The following DEUP1 variants were observed in gnomAD, a reference collection of about 807,000 sequenced individuals.
The protein encoded by DEUP1 is coiled-coil domain containing 67.
In DEUP1, 82 loss-of-function variants were observed where a neutral mutation model predicts 87.4. The ratio of observed to expected loss-of-function variants is 0.94; its 90% CI spans 0.78 to 1.13. The LOEUF (loss-of-function observed/expected upper bound fraction) is 1.13. DEUP1 is among the 50% of genes most tolerant of loss of function. DEUP1 has a pLI of 0.00. For missense variants in DEUP1, 663 were observed against 681.5 expected (o/e 0.97, Z 0.30); for synonymous variants, 214 against 222.7 (o/e 0.96, Z 0.35).
chr11:93,369,697 C>T (rs1591157765), intron 5 of DEUP1, among the ~76,000 whole-genome samples: 1 of 6,356 alleles, frequency 1.6e-4, no homozygotes, highest in Non-Finnish European at 2.9e-4. Context: ...TTTGGGAGGC[C>T]GAGGCGGGCG....
At chr11:93,376,245 A>G (rs1430992575) in intron 7 of DEUP1, among the ~76,000 whole-genome samples, 2 of 152,112 alleles carry the variant, frequency 1.3e-5, no homozygotes, top group African/African-American at 2.4e-5. Flanking sequence ...CACCCGGCCT[A>G]TATTACCATT....
At chr11:93,366,602 G>A (rs1046739805) in intron 5 of DEUP1, among the ~76,000 whole-genome samples, 4 of 152,126 alleles carry the variant, frequency 2.6e-5, no homozygotes, top group African/African-American at 9.7e-5. Context: ...GCGCTGACTC[G>A]CTAGTTGTGA....
chr11:93,363,883 T>C (rs372836586), intron 4 of DEUP1, among the ~76,000 whole-genome samples: 2 of 151,948 alleles, frequency 1.3e-5, no homozygotes, highest in Non-Finnish European at 2.9e-5. Flanking sequence ...TTGCTGCATA[T>C]GATTAAAACA....
chr11:93,418,483 T>C (rs1947730441), intron 13 of DEUP1, among the ~76,000 whole-genome samples: 1 of 152,186 alleles, frequency 6.6e-6, no homozygotes, highest in Admixed American at 6.5e-5. Context: ...CACAATGCGA[T>C]ATCATCTCAC....
chr11:93,371,217 T>G lies in DEUP1; in HGVS notation c.726T>G (p.Asn242Lys). 6.2e-7 allele frequency: 1 copy of G among 1,613,288 alleles called. No homozygotes were observed. Among genetic ancestry groups the G allele is most frequent in the African/African-American group, 1.3e-5 (1 of 75,046 alleles). The change falls in exon 7 of 14, where the codon AAT becomes AAG. Residue 242 changes from asparagine to lysine, a missense_variant. Asn to Lys is a moderately conservative substitution (Grantham distance 94). Coordinates refer to ENST00000298050, the MANE Select transcript of DEUP1 (RefSeq NM_181645.4). ...SAVNEIALSRNKLQDENQKLL... is the reference protein window; with the variant it reads ...SAVNEIALSRKKLQDENQKLL... ...TAAATGAGATAGCACTAAGCAGGAATAAATTACAAGATGAAAATCAGAAGC... is the reference window on the plus strand; with the variant it reads ...TAAATGAGATAGCACTAAGCAGGAAGAAATTACAAGATGAAAATCAGAAGC...
intron 10 of DEUP1, among the ~76,000 whole-genome samples, chr11:93,395,828 A>G (rs889370226): frequency 1.3e-5 from 2 of 152,166 alleles, no homozygotes; most frequent in Non-Finnish European, 2.9e-5. Flanking sequence ...TATCAGAACA[A>G]AATTAAACAT....
chr11:93,388,235 G>GTT (rs1946651698), intron 8 of DEUP1, among the ~76,000 whole-genome samples: 1 of 151,998 alleles, frequency 6.6e-6, no homozygotes, highest in Non-Finnish European at 1.5e-5. Flanking sequence ...CTTCTCAAAA[G>GTT]TTATCTGGAA....
At chr11:93,342,066 G>A (rs1360142001) in intron 2 of DEUP1, among the ~76,000 whole-genome samples, 2 of 151,936 alleles carry the variant, frequency 1.3e-5, no homozygotes, top group Admixed American at 6.6e-5. Flanking sequence ...CTTAACTTAC[G>A]TGAACCTCTC....
intron 13 of DEUP1, among the ~76,000 whole-genome samples, chr11:93,420,797 T>G (rs1463198634): frequency 1.6e-5 from 2 of 127,368 alleles, no homozygotes; most frequent in Admixed American, 1.8e-4. Flanking sequence ...AAATCATGAG[T>G]GAACTCCCAT....
At chr11:93,372,179 C>T (rs1407795705) in intron 7 of DEUP1, among the ~76,000 whole-genome samples, 3 of 152,094 alleles carry the variant, frequency 2.0e-5, no homozygotes, top group Non-Finnish European at 2.9e-5. Context: ...CCGCCCGCCT[C>T]GGCCTCCCAA....
At chr11:93,379,584 A>G (rs891554706) in intron 7 of DEUP1, among the ~76,000 whole-genome samples, 3 of 152,188 alleles carry the variant, frequency 2.0e-5, no homozygotes, top group Non-Finnish European at 2.9e-5. Context: ...TTGGGAGTCA[A>G]TGTGTAGCAG....
intron 2 of DEUP1, among the ~76,000 whole-genome samples, chr11:93,345,663 G>A (rs1944313527): frequency 6.6e-6 from 1 of 152,082 alleles, no homozygotes; most frequent in African/African-American, 2.4e-5. Context: ...GTCTTCTTTT[G>A]AGAAGTGTCT....
rs750302601 is a variant in DEUP1 at position 93,415,106 on chromosome 11, T to C, written c.1630T>C (p.Phe544Leu). The C allele has an allele frequency of 9.3e-6, 15 of 1,606,026 alleles. No individual in the cohort carries two copies. In the South Asian group the frequency reaches 1.7e-4, roughly 18 times the overall value. Residue 544 changes from phenylalanine to leucine, a missense_variant, in exon 13 of 14, where the codon TTC becomes CTC. Transcript: ENST00000298050. Reference sequence around the variant, plus strand: ...TCCTTTGGTTAGTGATGATGATGTATTCCCACTGGTGAGTTGCTGGTTGTG... The same window carrying C: ...TCCTTTGGTTAGTGATGATGATGTACTCCCACTGGTGAGTTGCTGGTTGTG... ...TSPLVSDDDV[F>L]PLSPPDMSFP...
intron 7 of DEUP1, among the ~76,000 whole-genome samples, chr11:93,373,627 A>G (rs71458700): frequency 0.6 from 72,304 of 119,652 alleles, 18,749 homozygotes; most frequent in Admixed American, 0.7. Context: ...ATATATACGT[A>G]TATATATATA....
chr11:93,362,326 T>G (rs2134237362), intron 4 of DEUP1, among the ~76,000 whole-genome samples: 1 of 152,096 alleles, frequency 6.6e-6, no homozygotes, highest in South Asian at 2.1e-4. Flanking sequence ...GATAAGGGAC[T>G]AGTATCTAGA....
chr11:93,388,948 A>G, intron 8 of DEUP1, 72 bp from the exon 9 acceptor site: 4 of 874,550 alleles, frequency 4.6e-6, no homozygotes, highest in Non-Finnish European at 7.1e-6. Flanking sequence ...AATGGTCTAA[A>G]TTAACAATAT....
intron 8 of DEUP1, among the ~76,000 whole-genome samples, chr11:93,388,591 C>G (rs1453982669): frequency 6.6e-6 from 1 of 152,166 alleles, no homozygotes; most frequent in East Asian, 1.9e-4. Flanking sequence ...GATGTTTTAT[C>G]TCTTTTATAG....
chr11:93,343,485 G>A (rs1397019342), intron 2 of DEUP1, among the ~76,000 whole-genome samples: 1 of 152,148 alleles, frequency 6.6e-6, no homozygotes, highest in East Asian at 1.9e-4. Context: ...AAGTTTATGA[G>A]GAGAGTGAAG....
At chr11:93,368,218 G>A (rs1375867037) in intron 5 of DEUP1, among the ~76,000 whole-genome samples, 3 of 152,222 alleles carry the variant, frequency 2.0e-5, no homozygotes, top group Non-Finnish European at 4.4e-5. Context: ...GCCTGGCCAT[G>A]GCCACAAGGG....
Sources: allele counts gnomAD v4.1 joint callset (sites outside exome capture counted in the v4.1 genomes callset), GRCh38; gene constraint gnomAD v4.1.1; transcripts MANE v1.5; gene names NCBI Gene and HGNC (gene_info 2026-07-23, HGNC 2026-07-21).